The following ROBO1 variants were observed in gnomAD, a reference collection of about 807,000 sequenced individuals.
The protein encoded by ROBO1 is roundabout homolog 1.
A neutral mutation model predicts 195.9 loss-of-function variants in ROBO1; 149 were observed. That is an observed-to-expected ratio of 0.76 (90% CI 0.67 to 0.87). ROBO1 has a LOEUF of 0.87. ROBO1 is among the 40% of genes least tolerant of loss of function. The pLI is 0.00. For missense variants in ROBO1, 1,933 were observed against 2,068.3 expected (o/e 0.93, Z 1.27); for synonymous variants, 816 against 733.2 (o/e 1.11, Z -1.82).
chr3:79,170,157 G>A (rs2081141635), intron 2 of ROBO1, among the ~76,000 whole-genome samples: 1 of 152,006 alleles, frequency 6.6e-6, no homozygotes, highest in Admixed American at 6.6e-5. Context: ...TTAGAGCTCA[G>A]GGCCATTGTG....
intron 27 of ROBO1, among the ~76,000 whole-genome samples, chr3:78,616,244 A>G (rs1704102772): frequency 6.6e-6 from 1 of 152,152 alleles, no homozygotes; most frequent in Admixed American, 6.6e-5. Flanking sequence ...ACTTAATTTC[A>G]CCATTTTTTA....
intron 2 of ROBO1, among the ~76,000 whole-genome samples, chr3:79,184,749 C>T (rs114195675): frequency 3.9e-4 from 60 of 152,202 alleles, no homozygotes; most frequent in African/African-American, 1.4e-3. Flanking sequence ...TGGAAAGGAT[C>T]CCTGAAAAGT....
chr3:79,486,858 GCTATC>G (rs1477076045), intron 2 of ROBO1, among the ~76,000 whole-genome samples: 1 of 152,108 alleles, frequency 6.6e-6, no homozygotes, highest in Non-Finnish European at 1.5e-5. Context: ...AATTTACAGA[GCTATC>G]CCTCCTCCCC....
At chr3:79,232,727 G>C (rs908933542) in intron 2 of ROBO1, among the ~76,000 whole-genome samples, 2 of 152,090 alleles carry the variant, frequency 1.3e-5, no homozygotes, top group African/African-American at 2.4e-5. Flanking sequence ...AAATAATTTT[G>C]AGCCTAGAAT....
intron 2 of ROBO1, among the ~76,000 whole-genome samples, chr3:79,363,990 G>A (rs2035867118): frequency 2.0e-5 from 3 of 151,928 alleles, no homozygotes; most frequent in African/African-American, 7.3e-5. Flanking sequence ...GGATCACAAG[G>A]TCAGGAGATC....
chr3:78,730,370 G>A (rs2082260113), intron 5 of ROBO1, among the ~76,000 whole-genome samples: 1 of 76,832 alleles, frequency 1.3e-5, no homozygotes, highest in African/African-American at 2.9e-5. Flanking sequence ...CATAACCATG[G>A]CAAAGTCAAA....
chr3:79,763,690 C>T (rs1244243400), intron 1 of ROBO1, among the ~76,000 whole-genome samples: 1 of 152,148 alleles, frequency 6.6e-6, no homozygotes, highest in East Asian at 1.9e-4. Context: ...CCCAAGTGCT[C>T]TGACCCCCAG....
At chr3:79,704,663 G>T (rs1238193775) in intron 1 of ROBO1, among the ~76,000 whole-genome samples, 1 of 151,942 alleles carries the variant, frequency 6.6e-6, no homozygotes, top group East Asian at 1.9e-4. Context: ...GCAGAATTTT[G>T]CATGAAAATG....
At chr3:79,507,818 C>T (rs571084841) in intron 2 of ROBO1, 2 of 154,586 alleles carry the variant, frequency 1.3e-5, no homozygotes, top group African/African-American at 2.4e-5. Flanking sequence ...TCCTAATATT[C>T]GGAACCTCAG....
intron 3 of ROBO1, among the ~76,000 whole-genome samples, chr3:79,124,867 T>C (rs1021187004): frequency 6.6e-6 from 1 of 152,214 alleles, no homozygotes; most frequent in Non-Finnish European, 1.5e-5. Flanking sequence ...TAAACATTTA[T>C]ATATCAATTA....
At chr3:79,382,998 A>C (rs533003195) in intron 2 of ROBO1, among the ~76,000 whole-genome samples, 1 of 152,270 alleles carries the variant, frequency 6.6e-6, no homozygotes, top group Non-Finnish European at 1.5e-5. Context: ...GACAGTTGAA[A>C]GAGTTGATGC....
At chr3:78,845,449 A>C (rs2033596611) in intron 4 of ROBO1, among the ~76,000 whole-genome samples, 1 of 152,058 alleles carries the variant, frequency 6.6e-6, no homozygotes, top group African/African-American at 2.4e-5. Context: ...TTTGTAGCTT[A>C]CAGTATATTT....
intron 1 of ROBO1, among the ~76,000 whole-genome samples, chr3:79,600,485 C>T (rs148231697): frequency 6.6e-6 from 1 of 151,992 alleles, no homozygotes; most frequent in African/African-American, 2.4e-5. Context: ...AGAAACAGAA[C>T]AGTTGTTTAG....
At chr3:79,081,638 C>T (rs1458696993) in intron 3 of ROBO1, among the ~76,000 whole-genome samples, 1 of 152,156 alleles carries the variant, frequency 6.6e-6, no homozygotes, top group Non-Finnish European at 1.5e-5. Flanking sequence ...AAGCCCAAAG[C>T]TGCCAACACA....
chr3:79,018,571 C>G, intron 3 of ROBO1: 1 of 1,518,730 alleles, frequency 6.6e-7, no homozygotes, highest in Non-Finnish European at 8.9e-7. Flanking sequence ...ATATAAGCAA[C>G]GTGGGTCAAT....
intron 1 of ROBO1, among the ~76,000 whole-genome samples, chr3:79,741,052 C>T (rs998068788): frequency 6.6e-6 from 1 of 152,110 alleles, no homozygotes; most frequent in African/African-American, 2.4e-5. Context: ...GGCCATAAGA[C>T]TTAGTTTTGC....
chr3:79,710,701 T>C (rs1251332653), intron 1 of ROBO1, among the ~76,000 whole-genome samples: 2 of 152,080 alleles, frequency 1.3e-5, no homozygotes, highest in East Asian at 3.9e-4. Context: ...TATCCAATGG[T>C]TGAGTGTTCA....
intron 4 of ROBO1, among the ~76,000 whole-genome samples, chr3:78,854,546 G>C (rs2034290831): frequency 6.6e-6 from 1 of 151,132 alleles, no homozygotes; most frequent in Non-Finnish European, 1.5e-5. Flanking sequence ...GGCTTTCTTT[G>C]TGTGGCAGGA....
chr3:79,698,237 C>G (rs1947504367), intron 1 of ROBO1, among the ~76,000 whole-genome samples: 1 of 151,422 alleles, frequency 6.6e-6, no homozygotes, highest in Admixed American at 6.6e-5. Flanking sequence ...ACAACTATAA[C>G]TATTAGTAGC....
Sources: allele counts gnomAD v4.1 joint callset (sites outside exome capture counted in the v4.1 genomes callset), GRCh38; gene constraint gnomAD v4.1.1; transcripts MANE v1.5; gene names NCBI Gene and HGNC (gene_info 2026-07-23, HGNC 2026-07-21).